The following CRIM1 variants were observed in gnomAD, a reference collection of about 807,000 sequenced individuals.
The protein encoded by CRIM1 is cysteine rich transmembrane BMP regulator 1.
Under a neutral mutation model 116.4 loss-of-function variants are expected in CRIM1, and 32 were observed. The ratio of observed to expected loss-of-function variants is 0.27; its 90% CI spans 0.21 to 0.37. CRIM1 has a LOEUF of 0.37. Among genes scored for constraint, CRIM1 ranks in the 10% least tolerant of loss-of-function variants. The probability of loss-of-function intolerance (pLI) is 1.00; values close to 1 mark genes in which losing one functional copy is unlikely to be tolerated. For missense variants in CRIM1, 1,331 were observed against 1,354.8 expected, an observed-to-expected ratio of 0.98 and a Z score of 0.28; for synonymous variants, 590 against 509.2, an observed-to-expected ratio of 1.16 and a Z score of -2.13.
intron 1 of CRIM1, among the ~76,000 whole-genome samples, chr2:36,362,304 C>CAAAGCAG (rs1308972106): frequency 6.6e-6 from 1 of 152,082 alleles, no homozygotes; most frequent in Non-Finnish European, 1.5e-5. Flanking sequence ...GCTCTGGTGG[C>CAAAGCAG]AAAGCAGAAA....
chr2:36,363,778 A>G (rs1669406478), intron 1 of CRIM1, among the ~76,000 whole-genome samples: 1 of 152,212 alleles, frequency 6.6e-6, no homozygotes, highest in South Asian at 2.1e-4. Context: ...TTTTGCTCCT[A>G]GCTCCTGAGT....
intron 13 of CRIM1, among the ~76,000 whole-genome samples, chr2:36,523,942 C>T (rs962083542): frequency 6.6e-6 from 1 of 152,206 alleles, no homozygotes; most frequent in African/African-American, 2.4e-5. Context: ...AGGAATTTTA[C>T]ACAGATTTTC....
chr2:36,432,859 G>T (rs1408924716), intron 2 of CRIM1, among the ~76,000 whole-genome samples: 2 of 152,108 alleles, frequency 1.3e-5, no homozygotes, highest in East Asian at 3.9e-4. Flanking sequence ...TTGGTCTGGG[G>T]TGCACTCTGA....
At chr2:36,513,220 T>G in intron 10 of CRIM1, 2 of 268,154 alleles carry the variant, frequency 7.5e-6, no homozygotes, top group Non-Finnish European at 1.4e-5. Context: ...CTAGAGCGAT[T>G]TTTCTGAATA....
chr2:36,479,367 C>A (rs189030876), intron 6 of CRIM1, 130 bp from the exon 7 acceptor site: 2 of 824,936 alleles, frequency 2.4e-6, no homozygotes, highest in Non-Finnish European at 3.9e-6. Flanking sequence ...TGCAACCCTG[C>A]GCTTCTGTTG....
At chr2:36,514,608 C>G (rs3821155) in intron 11 of CRIM1, among the ~76,000 whole-genome samples, 108,403 of 151,970 alleles carry the variant, frequency 0.71, 38,883 homozygotes, top group Non-Finnish European at 0.76. Flanking sequence ...AATCTTGTAT[C>G]AGATTTCTTT....
intron 1 of CRIM1, among the ~76,000 whole-genome samples, chr2:36,366,319 G>A (rs768259015): frequency 6.6e-5 from 10 of 151,858 alleles, no homozygotes; most frequent in Non-Finnish European, 1.3e-4. Context: ...GCTGGTATTC[G>A]GACATGTAAC....
At chr2:36,500,339 G>A (rs971798186) in intron 8 of CRIM1, among the ~76,000 whole-genome samples, 4 of 152,000 alleles carry the variant, frequency 2.6e-5, no homozygotes, top group African/African-American at 9.7e-5. Context: ...CTCAGAAAAA[G>A]GTACTCCACA....
At chr2:36,544,080 C>T (rs1667143558) in intron 14 of CRIM1, among the ~76,000 whole-genome samples, 1 of 152,090 alleles carries the variant, frequency 6.6e-6, no homozygotes, top group Non-Finnish European at 1.5e-5. Context: ...TCAGCTAGTC[C>T]CCTTCAGTTT....
chr2:36,423,982 A>G (rs1482359085), intron 2 of CRIM1, among the ~76,000 whole-genome samples: 1 of 152,154 alleles, frequency 6.6e-6, no homozygotes, highest in Non-Finnish European at 1.5e-5. Flanking sequence ...AGGTAGGTGG[A>G]TAGAAAGAAA....
At chr2:36,499,986 C>T (rs181981967) in intron 8 of CRIM1, among the ~76,000 whole-genome samples, 1 of 152,234 alleles carries the variant, frequency 6.6e-6, no homozygotes, top group East Asian at 1.9e-4. Flanking sequence ...CATCATTTGA[C>T]ACACAATATG....
At chr2:36,512,781 T>G (rs1372275978) in intron 10 of CRIM1, among the ~76,000 whole-genome samples, 1 of 152,196 alleles carries the variant, frequency 6.6e-6, no homozygotes, top group Non-Finnish European at 1.5e-5. Context: ...TGGGTATAGC[T>G]CAGAAGTTAG....
At chr2:36,435,057 T>A (rs1024416527) in intron 2 of CRIM1, among the ~76,000 whole-genome samples, 2 of 152,160 alleles carry the variant, frequency 1.3e-5, no homozygotes, top group South Asian at 4.1e-4. Context: ...TTCTCCAGAA[T>A]TGTAATTCTC....
chr2:36,393,088 A>G (rs79148540), intron 1 of CRIM1, among the ~76,000 whole-genome samples: 2,111 of 152,326 alleles, frequency 0.014, 42 homozygotes, highest in African/African-American at 0.048. Flanking sequence ...GTGGGGAGGC[A>G]GAGAAAAGCA....
chr2:36,479,528 C>T lies in CRIM1; in HGVS notation c.1206C>T (p.Gly402=), dbSNP rs188554284. 6.2e-7 allele frequency: 1 copy of T among 1,614,220 alleles called. No individual in the cohort carries two copies. Among genetic ancestry groups the T allele is most frequent in the East Asian group, 2.2e-5 (1 of 44,884 alleles). The part of the protein sequence containing the change: ...DPVYPFNNPA[G]CYANGLILAH... Reference sequence around the variant, plus strand: ...TGTATCCTTTTAATAATCCCGCTGGCTGCTATGCCAATGGCCTGATCCTTG... The same window carrying T: ...TGTATCCTTTTAATAATCCCGCTGGTTGCTATGCCAATGGCCTGATCCTTG... The change falls in exon 7 of 17, where the codon GGC becomes GGT. Residue 402 remains glycine (G), a synonymous_variant. Transcript: ENST00000280527.
chr2:36,514,646 G>C (rs983081793), intron 11 of CRIM1, among the ~76,000 whole-genome samples: 5 of 152,186 alleles, frequency 3.3e-5, no homozygotes, highest in Admixed American at 2.6e-4. Context: ...TCAGATTTTG[G>C]AGGATGATTG....
intron 4 of CRIM1, among the ~76,000 whole-genome samples, chr2:36,451,416 T>G (rs113430561): frequency 2.6e-5 from 4 of 152,280 alleles, no homozygotes; most frequent in African/African-American, 7.2e-5. Flanking sequence ...CAGCTTTAAA[T>G]CCAAACTGAG....
intron 8 of CRIM1, among the ~76,000 whole-genome samples, chr2:36,501,675 T>C (rs1681006400): frequency 6.6e-6 from 1 of 152,156 alleles, no homozygotes; most frequent in South Asian, 2.1e-4. Flanking sequence ...CTAGCTGTGA[T>C]TGTGCCACTG....
chr2:36,395,077 T>TCTTGC (rs1671922239), intron 1 of CRIM1, among the ~76,000 whole-genome samples: 1 of 148,896 alleles, frequency 6.7e-6, no homozygotes, highest in African/African-American at 2.5e-5. Flanking sequence ...TGCAGTGGCA[T>TCTTGC]GATCTTGGCT....
Sources: gnomAD v4.1 joint callset for allele counts (sites outside exome capture counted in the v4.1 genomes callset) on GRCh38, gnomAD v4.1.1 for gene constraint, MANE v1.5 for transcripts, NCBI Gene and HGNC (gene_info 2026-07-23, HGNC 2026-07-21) for gene names.